Variants in XBP1 observed in about 807,000 individuals in gnomAD.
The protein encoded by XBP1 is X-box binding protein 1, also known as X-box-binding protein 1.
Under a neutral mutation model 34.6 loss-of-function variants are expected in XBP1, and 18 were observed. The ratio of observed to expected loss-of-function variants is 0.52; its 90% CI spans 0.36 to 0.77. The LOEUF (loss-of-function observed/expected upper bound fraction) is 0.77, where lower values mean the gene tolerates loss of function less well. Among genes scored for constraint, XBP1 ranks in the 30% least tolerant of loss-of-function variants. The pLI, the probability that XBP1 is intolerant of heterozygous loss-of-function variation, is 0.00. For missense variants in XBP1, 422 were observed against 464.6 expected, an observed-to-expected ratio of 0.91 and a Z score of 0.84; for synonymous variants, 191 against 193.4, an observed-to-expected ratio of 0.99 and a Z score of 0.11.
intron 2 of XBP1, 90 bp downstream of exon 2, chr22:28,798,967 G>T: frequency 9.2e-7 from 1 of 1,089,252 alleles, no homozygotes; most frequent in Non-Finnish European, 1.4e-6. Flanking sequence ...AATAGGGGCT[G>T]AAACAACTTG....
chr22:28,799,408 C>G (rs536787185), intron 1 of XBP1, among the ~76,000 whole-genome samples: 2 of 152,338 alleles, frequency 1.3e-5, no homozygotes, highest in African/African-American at 4.8e-5. Context: ...CGTCACAGCA[C>G]TGGGGCTGGA....
intron 2 of XBP1, among the ~76,000 whole-genome samples, chr22:28,797,535 C>A (rs2146265750): frequency 6.6e-6 from 1 of 152,076 alleles, no homozygotes; most frequent in African/African-American, 2.4e-5. Flanking sequence ...AATCCTAACA[C>A]TTTGGGAGGC....
At chr22:28,795,571 G>T in exon 6 of XBP1, 1 of 1,614,174 alleles carries the variant, frequency 6.2e-7, no homozygotes, top group South Asian at 1.1e-5. Flanking sequence ...CTTCCAGCTT[G>T]GCTGATGACG....
At chr22:28,797,331 A>G in intron 2 of XBP1, 126 bp from the exon 3 acceptor site, 1 of 1,151,614 alleles carries the variant, frequency 8.7e-7, no homozygotes, top group South Asian at 1.5e-5. Context: ...TGTGGTGTTC[A>G]TAGTAGGTTT....
intron 1 of XBP1, 24 bp from the exon 2 acceptor site, chr22:28,799,177 C>T (rs1340041663): frequency 6.4e-7 from 1 of 1,573,588 alleles, no homozygotes; most frequent in Non-Finnish European, 8.7e-7. Flanking sequence ...GAACATACCA[C>T]ACTGAGTCAT....
At chr22:28,799,840 G>C in intron 1 of XBP1, 1 of 611,926 alleles carries the variant, frequency 1.6e-6, no homozygotes, top group South Asian at 2.0e-5. Context: ...TCCATTTTAA[G>C]AACGCAGATA....
exon 1 of XBP1, chr22:28,800,522 C>G (rs1292761610): frequency 2.0e-6 from 3 of 1,491,306 alleles, no homozygotes; most frequent in South Asian, 1.3e-5. Flanking sequence ...CCACCACCAC[C>G]ATAGCTCCAG....
At chr22:28,800,440 C>G in exon 1 of XBP1, 1 of 1,478,204 alleles carries the variant, frequency 6.8e-7, no homozygotes, top group Non-Finnish European at 8.9e-7. Context: ...GCCGGGGCTC[C>G]GGCGGCGGAG....
chr22:28,797,326 T>A, intron 2 of XBP1, 121 bp from the exon 3 acceptor site: 1 of 1,195,004 alleles, frequency 8.4e-7, no homozygotes, highest in Non-Finnish European at 1.2e-6. Flanking sequence ...ATGCTTGTGG[T>A]GTTCATAGTA....
downstream of XBP1, chr22:28,794,898 AC>A (rs1317847245): frequency 3.4e-6 from 1 of 291,356 alleles, no homozygotes; most frequent in Non-Finnish European, 6.3e-6. Context: ...TTTAGGGAAA[AC>A]TACCACCCTT....
exon 4 of XBP1, chr22:28,796,171 C>T: frequency 6.3e-7 from 1 of 1,582,896 alleles, no homozygotes; most frequent in Admixed American, 1.9e-5. Flanking sequence ...GCAGACCCGG[C>T]CACTGGCCTC....
intron 3 of XBP1, chr22:28,796,526 TCTAG>T: frequency 4.9e-6 from 1 of 203,120 alleles, no homozygotes; most frequent in Admixed American, 5.2e-5. Flanking sequence ...AGAATGGTTT[TCTAG>T]TTTTCTTGAA....
chr22:28,800,079 G>A (rs1415039270), intron 1 of XBP1: 1 of 761,454 alleles, frequency 1.3e-6, no homozygotes, highest in Non-Finnish European at 2.4e-6. Context: ...AAAAAGTACA[G>A]AAAAGAGCCC....
downstream of XBP1, chr22:28,794,608 G>T (rs1355349222): frequency 6.6e-6 from 1 of 152,318 alleles, no homozygotes; most frequent in Non-Finnish European, 1.5e-5. Context: ...AATGGAGAAA[G>T]CACCTTTCAG....
intron 5 of XBP1, 32 bp from the exon 6 acceptor site, chr22:28,795,764 C>T: frequency 6.6e-7 from 1 of 1,513,036 alleles, no homozygotes; most frequent in Non-Finnish European, 8.8e-7. Context: ...TGAAGTACAA[C>T]TGTCAGAATA....
chr22:28,795,934 A>C, intron 5 of XBP1, 113 bp downstream of exon 5: 2 of 1,435,402 alleles, frequency 1.4e-6, no homozygotes, highest in Non-Finnish European at 1.9e-6. Context: ...GTTCACCTCC[A>C]ACCCCACCAA....
chr22:28,800,274 C>A, intron 1 of XBP1, 24 bp downstream of exon 1: 1 of 1,549,036 alleles, frequency 6.5e-7, no homozygotes, highest in Non-Finnish European at 8.7e-7. Context: ...CAGATCTGGC[C>A]CCAGACCCCG....
intron 1 of XBP1, chr22:28,799,940 A>C: frequency 2.6e-6 from 2 of 778,726 alleles, no homozygotes; most frequent in Non-Finnish European, 2.4e-6. Flanking sequence ...ATAGCAGTAA[A>C]CCAAAACAGA....
exon 2 of XBP1, chr22:28,799,138 T>A: frequency 6.2e-7 from 1 of 1,614,028 alleles, no homozygotes; most frequent in Non-Finnish European, 8.5e-7. Flanking sequence ...GAGCTGCTAC[T>A]CTGTTTTTCA....
Sources: gnomAD v4.1 joint callset for allele counts (sites outside exome capture counted in the v4.1 genomes callset) on GRCh38, gnomAD v4.1.1 for gene constraint, MANE v1.5 for transcripts, NCBI Gene and HGNC (gene_info 2026-07-23, HGNC 2026-07-21) for gene names.